LCORL: variants seen among roughly 807,000 people sequenced by gnomAD.
LCORL encodes the protein ligand-dependent nuclear receptor corepressor-like protein.
A neutral mutation model predicts 141.8 loss-of-function variants in LCORL; 41 were observed. The observed-to-expected ratio is 0.29, with a 90% CI of 0.23 to 0.38. LCORL has a LOEUF of 0.38. LCORL is among the 10% of genes least tolerant of loss of function. The probability of loss-of-function intolerance (pLI) is 1.00; values close to 1 mark genes in which losing one functional copy is unlikely to be tolerated. For missense variants in LCORL, 1,759 were observed against 2,035.0 expected, an observed-to-expected ratio of 0.86 and a Z score of 2.61; for synonymous variants, 618 against 694.1, an observed-to-expected ratio of 0.89 and a Z score of 1.72.
At chr4:17,984,723 T>C (rs900590575) in intron 1 of LCORL, among the ~76,000 whole-genome samples, 9 of 152,306 alleles carry the variant, frequency 5.9e-5, no homozygotes, top group East Asian at 3.9e-4. Flanking sequence ...CCTGAATTCG[T>C]TGATCTTCTG....
intron 4 of LCORL, among the ~76,000 whole-genome samples, chr4:17,949,881 T>C (rs1739452086): frequency 1.3e-5 from 2 of 152,196 alleles, no homozygotes; most frequent in African/African-American, 2.4e-5. Flanking sequence ...CAGTGAGTAG[T>C]TTCTGCTGTC....
exon 7 of LCORL, chr4:17,873,544 C>T: frequency 8.1e-7 from 1 of 1,232,400 alleles, no homozygotes; most frequent in Non-Finnish European, 1.0e-6. Context: ...TCAAAGTTAA[C>T]ACATTTGCTT....
At chr4:17,913,013 A>C (rs376836222) in intron 4 of LCORL, 23 of 275,660 alleles carry the variant, frequency 8.3e-5, no homozygotes, top group African/African-American at 4.0e-4. Flanking sequence ...GGGGAGGAGG[A>C]GGCCAATAAA....
At position 18,021,178 on chromosome 4, in the gene LCORL, C is replaced by T. The variant is rs973580703; in HGVS notation, c.154+420G>A. The stretch of plus-strand genomic sequence containing the variant: ...GCGCTCGGCGGGGGCGCGGACCAGC[C>T]CGCCTTCCTCCGGCCGCCCTGCCCG... On this transcript the variant is annotated intron_variant, in intron 1 of 7. Coordinates refer to ENST00000635767, the Ensembl canonical transcript of LCORL. This position sits in a 1 kb window ranked among gnomAD's most constrained non-coding sequence, Gnocchi z 5.5. 1.3e-5 allele frequency among the ~76,000 whole-genome samples: 2 copies of T among 151,944 alleles called. No homozygotes were observed. Among genetic ancestry groups the T allele is most frequent in the African/African-American group, 4.8e-5 (2 of 41,418 alleles).
intron 4 of LCORL, among the ~76,000 whole-genome samples, chr4:17,957,977 C>T (rs1248825733): frequency 6.6e-6 from 1 of 151,910 alleles, no homozygotes; most frequent in East Asian, 1.9e-4. Context: ...ATTAACACTA[C>T]CTGTTTTTAA....
chr4:17,862,529 T>C (rs536345246), intron 7 of LCORL, among the ~76,000 whole-genome samples: 39 of 152,146 alleles, frequency 2.6e-4, no homozygotes, highest in Admixed American at 6.5e-4. Context: ...AGCAGACACA[T>C]AGACCAATGG....
intron 5 of LCORL, among the ~76,000 whole-genome samples, chr4:17,902,213 C>T (rs929308848): frequency 3.9e-5 from 6 of 151,916 alleles, no homozygotes; most frequent in Non-Finnish European, 7.4e-5. Context: ...GGATTTTAGA[C>T]GTTATCTAAA....
At chr4:18,013,636 T>C (rs1260859188) in intron 1 of LCORL, among the ~76,000 whole-genome samples, 2 of 152,202 alleles carry the variant, frequency 1.3e-5, no homozygotes, top group South Asian at 2.1e-4. Flanking sequence ...TGAGGACTTA[T>C]TAGTTACTGT....
At chr4:17,915,101 T>C (rs1428468668) in intron 4 of LCORL, among the ~76,000 whole-genome samples, 1 of 152,142 alleles carries the variant, frequency 6.6e-6, no homozygotes, top group Non-Finnish European at 1.5e-5. Context: ...CTTTCTCCCC[T>C]TCTGTTTCCC....
intron 1 of LCORL, among the ~76,000 whole-genome samples, chr4:17,994,891 C>A (rs924393070): frequency 2.6e-5 from 4 of 152,072 alleles, no homozygotes; most frequent in Non-Finnish European, 5.9e-5. Flanking sequence ...GCTATGCTAG[C>A]CCAATGCCTG....
At chr4:17,876,506 T>C in exon 7 of LCORL, 1 of 1,230,940 alleles carries the variant, frequency 8.1e-7, no homozygotes. Context: ...TAGAATTCAT[T>C]GCAATTTTGT....
exon 8 of LCORL, chr4:17,844,244 C>CTT (rs1430207239): frequency 2.0e-5 from 3 of 152,388 alleles, no homozygotes; most frequent in Non-Finnish European, 4.4e-5. Context: ...CATTTCTTGT[C>CTT]TTTTGAAATT....
intron 5 of LCORL, among the ~76,000 whole-genome samples, chr4:17,890,663 A>G (rs1382398161): frequency 3.3e-5 from 5 of 152,088 alleles, no homozygotes; most frequent in Non-Finnish European, 5.9e-5. Flanking sequence ...ACCAAACGCT[A>G]TTGTAAAATG....
At chr4:17,919,513 T>A (rs1733969005) in intron 4 of LCORL, among the ~76,000 whole-genome samples, 1 of 152,056 alleles carries the variant, frequency 6.6e-6, no homozygotes, top group Non-Finnish European at 1.5e-5. Flanking sequence ...TGGAAAAAAG[T>A]GAGTATTGCA....
chr4:17,969,484 C>T (rs775281000), intron 2 of LCORL, among the ~76,000 whole-genome samples: 67 of 152,038 alleles, frequency 4.4e-4, no homozygotes, highest in Non-Finnish European at 8.2e-4. Flanking sequence ...GCTGTGCCAA[C>T]GTTGATTTTT....
chr4:17,956,124 CA>C (rs1161963736), intron 4 of LCORL, among the ~76,000 whole-genome samples: 1 of 152,088 alleles, frequency 6.6e-6, no homozygotes, highest in Non-Finnish European at 1.5e-5. Flanking sequence ...CATTTTACCC[CA>C]GTTAGACTGG....
intron 7 of LCORL, among the ~76,000 whole-genome samples, chr4:17,865,141 C>G (rs1386223372): frequency 1.3e-5 from 2 of 152,104 alleles, no homozygotes; most frequent in African/African-American, 4.8e-5. Flanking sequence ...CACTAGCAAC[C>G]ATCTTGCTTA....
chr4:17,929,835 GA>G lies in LCORL; in HGVS notation c.431-20491del, dbSNP rs370447395. Among the ~76,000 whole-genome samples, 31 of 152,006 alleles carry G rather than the reference GA, an allele frequency of 2.0e-4. 1 individual carries two copies. In the South Asian group the frequency reaches 3.1e-3, roughly 15 times the overall value. ...GAAACAAAGACAGTCCACACAATGG[GA>G]AAAAAATATTTCTAAACCATGTCTT... On this transcript the variant is annotated intron_variant, in intron 4 of 7. Coordinates refer to ENST00000635767, the Ensembl canonical transcript of LCORL.
At chr4:17,945,201 G>A (rs1738661243) in intron 4 of LCORL, among the ~76,000 whole-genome samples, 2 of 151,902 alleles carry the variant, frequency 1.3e-5, no homozygotes, top group Admixed American at 1.3e-4. Context: ...TATTAAATGA[G>A]GTACATGGGA....
Sources: allele counts gnomAD v4.1 joint callset (sites outside exome capture counted in the v4.1 genomes callset), GRCh38; gene constraint gnomAD v4.1.1; non-coding constraint Gnocchi (gnomAD v3.1); transcripts MANE v1.5; gene names NCBI Gene and HGNC (gene_info 2026-07-23, HGNC 2026-07-21).